Variants in CEP63 observed in about 807,000 individuals in gnomAD.
The protein encoded by CEP63 is centrosomal protein of 63 kDa.
CEP63 carries 84 observed loss-of-function variants against 89.1 expected under a neutral mutation model. The observed-to-expected ratio is 0.94, with a 90% confidence interval of 0.79 to 1.13. The LOEUF is 1.13. Among genes scored for constraint, CEP63 ranks in the 50% most tolerant of loss-of-function variants. CEP63 has a pLI of 0.00. For synonymous variants in CEP63, 267 were observed against 272.5 expected (o/e 0.98, Z 0.20); for missense variants, 838 against 813.3 (o/e 1.03, Z -0.37).
chr3:134,640,138 G>A, the CEP63 span, among the ~76,000 whole-genome samples: 2 of 151,858 alleles, frequency 1.3e-5, no homozygotes, highest in Admixed American at 1.3e-4. Flanking sequence ...TTGAAAGAGA[G>A]GCTGAGGAGG....
At chr3:134,733,423 T>G in the CEP63 span, among the ~76,000 whole-genome samples, 1 of 149,872 alleles carries the variant, frequency 6.7e-6, no homozygotes, top group African/African-American at 2.4e-5. Context: ...TTCAAATACA[T>G]GCAAAAAATT....
chr3:134,622,633 T>G, the CEP63 span, among the ~76,000 whole-genome samples: 1 of 152,184 alleles, frequency 6.6e-6, no homozygotes, highest in Non-Finnish European at 1.5e-5. Flanking sequence ...GTGAATATAA[T>G]TAATGCTAGT....
At chr3:134,603,672 T>C in the CEP63 span, 12,367 of 1,613,802 alleles carry the variant, frequency 7.7e-3, 849 homozygotes, top group African/African-American at 0.14. Flanking sequence ...GGCAGCCAGC[T>C]GTGCTGCAGC....
chr3:134,709,711 A>G, the CEP63 span, among the ~76,000 whole-genome samples: 2 of 152,240 alleles, frequency 1.3e-5, no homozygotes, highest in Admixed American at 6.5e-5. Context: ...TCTGGGAATC[A>G]GATATGTCCC....
At chr3:134,777,789 T>A in the CEP63 span, among the ~76,000 whole-genome samples, 1 of 151,708 alleles carries the variant, frequency 6.6e-6, no homozygotes, top group South Asian at 2.1e-4. Context: ...ATTTTTTGAA[T>A]TTTTTTAGTA....
the CEP63 span, among the ~76,000 whole-genome samples, chr3:134,743,703 C>T: frequency 2.0e-5 from 3 of 152,236 alleles, no homozygotes; most frequent in East Asian, 1.9e-4. Context: ...CCTACCCATT[C>T]GTGACACTCA....
chr3:134,662,063 G>T, the CEP63 span, among the ~76,000 whole-genome samples: 1 of 152,210 alleles, frequency 6.6e-6, no homozygotes, highest in Non-Finnish European at 1.5e-5. Context: ...GATCACCTGA[G>T]GTCAGGAGTT....
intron 10 of CEP63, 35 bp downstream of exon 10, chr3:134,549,211 ATGTGTTTATGGACAAAGC>A: frequency 1.6e-6 from 2 of 1,274,976 alleles, no homozygotes; most frequent in South Asian, 2.4e-5. Context: ...GCAAAATTGT[ATGTGTTTATGGACAAAGC>A]TGTGGATTGG....
At chr3:134,663,057 T>C in the CEP63 span, among the ~76,000 whole-genome samples, 1 of 152,080 alleles carries the variant, frequency 6.6e-6, no homozygotes, top group Non-Finnish European at 1.5e-5. Flanking sequence ...GGGATGGAGG[T>C]AGAGCAGAAC....
rs1347507609 is a variant in CEP63 at position 134,584,961 on chromosome 3, T to TTTTTTTTGTTTTG, written c.1207-2490_1207-2489insGTTTTGTTTTTTT. 4.1e-3 allele frequency among the ~76,000 whole-genome samples: 74 copies of TTTTTTTTGTTTTG among 18,172 alleles called. 2 individuals are homozygous for TTTTTTTTGTTTTG. The highest frequency in any genetic ancestry group is 8.3e-3 in the African/African-American group (71 of 8,548). 11.9% of individuals were successfully genotyped at this position (18,172 alleles called of 152,430 possible). A position where few individuals can be genotyped will look rare whatever the true frequency, so the allele number is the denominator to read the frequency against. Reference sequence around the variant, plus strand: ...TTTCTTCTAGATTTTCTAGGGTTTTTTTTTTTTTTTTTTGCATGGAGGTGT... The same window carrying TTTTTTTTGTTTTG: ...TTTCTTCTAGATTTTCTAGGGTTTTTTTTTTTTGTTTTGTTTTTTTTTTTTTGCATGGAGGTGT... On this transcript the variant is annotated intron_variant, in intron 10 of 10. Transcript: ENST00000683931.
chr3:134,523,973 C>T (rs1042173986), intron 3 of CEP63, among the ~76,000 whole-genome samples: 5 of 152,128 alleles, frequency 3.3e-5, no homozygotes, highest in African/African-American at 1.2e-4. Context: ...CTATAAATTG[C>T]TTTGGGCAGT....
chr3:134,774,833 T>C, the CEP63 span, among the ~76,000 whole-genome samples: 1 of 152,200 alleles, frequency 6.6e-6, no homozygotes, highest in Admixed American at 6.5e-5. Flanking sequence ...CCCTCTTCAG[T>C]CTCAGTTATC....
At chr3:134,606,686 G>A in the CEP63 span, among the ~76,000 whole-genome samples, 33 of 152,294 alleles carry the variant, frequency 2.2e-4, no homozygotes, top group African/African-American at 7.9e-4. Flanking sequence ...ACGTCTTAGT[G>A]CCTGGTTGTG....
the CEP63 span, chr3:134,624,961 A>C: frequency 1.9e-6 from 2 of 1,078,390 alleles, no homozygotes; most frequent in Non-Finnish European, 2.8e-6. Context: ...CACTCAGGAT[A>C]TGTTCAGGAG....
the CEP63 span, among the ~76,000 whole-genome samples, chr3:134,609,753 C>T: frequency 5.3e-5 from 8 of 152,168 alleles, no homozygotes; most frequent in African/African-American, 9.7e-5. Flanking sequence ...AAATGTGATA[C>T]GGTCTCACTC....
chr3:134,518,395 C>G (rs1287182480), intron 3 of CEP63, among the ~76,000 whole-genome samples: 1 of 152,086 alleles, frequency 6.6e-6, no homozygotes. Flanking sequence ...CCACTACTGC[C>G]GTAAAGCATG....
At chr3:134,615,954 C>G in the CEP63 span, among the ~76,000 whole-genome samples, 1 of 152,212 alleles carries the variant, frequency 6.6e-6, no homozygotes, top group East Asian at 1.9e-4. Flanking sequence ...CCCTCAGTGT[C>G]AGGGCTCAAA....
At chr3:134,662,181 G>A in the CEP63 span, among the ~76,000 whole-genome samples, 1 of 152,020 alleles carries the variant, frequency 6.6e-6, no homozygotes, top group Admixed American at 6.6e-5. Flanking sequence ...GGAGGCTGAG[G>A]TAGGAGAATT....
intron 3 of CEP63, among the ~76,000 whole-genome samples, chr3:134,521,142 T>C (rs1441383395): frequency 6.6e-6 from 1 of 151,958 alleles, no homozygotes; most frequent in East Asian, 1.9e-4. Context: ...AAGGAAGATA[T>C]CAAAATGACC....
Sources: allele counts gnomAD v4.1 joint callset (sites outside exome capture counted in the v4.1 genomes callset), GRCh38; gene constraint gnomAD v4.1.1; transcripts MANE v1.5; gene names NCBI Gene and HGNC (gene_info 2026-07-23, HGNC 2026-07-21).